The following DECR1 variants were observed in gnomAD, a reference collection of about 807,000 sequenced individuals.
The protein encoded by DECR1 is 2,4-dienoyl-CoA reductase [(3E)-enoyl-CoA-producing], mitochondrial.
In DECR1, 44 loss-of-function variants were observed where a neutral mutation model predicts 38.8. The ratio of observed to expected loss-of-function variants is 1.13; its 90% CI spans 0.89 to 1.46. The LOEUF (loss-of-function observed/expected upper bound fraction) is 1.46, where lower values mean the gene tolerates loss of function less well. Among genes scored for constraint, DECR1 ranks in the 40% most tolerant of loss-of-function variants. DECR1 has a pLI of 0.00. For missense variants in DECR1, 428 were observed against 405.5 expected, an observed-to-expected ratio of 1.06 and a Z score of -0.48; for synonymous variants, 148 against 135.2, an observed-to-expected ratio of 1.09 and a Z score of -0.66.
chr8:90,042,729 T>C lies in DECR1; in HGVS notation c.667T>C (p.Ser223Pro). Residue 223 changes from serine (S) to proline (P), a missense_variant and splice_region_variant, in exon 7 of 10, where the codon TCT (serine) becomes CCT (proline). Physicochemically the swap from Ser to Pro is moderately conservative, Grantham distance 74. Transcript: ENST00000220764. ...TATGTTGTTGATTTTAATTTTTAGG[T>C]CTCTTGCAGCTGAATGGGGTAAATA... ...AKAGVEAMSK[S>P]LAAEWGKYGM... 1 of 1,612,970 alleles carries C rather than the reference T, an allele frequency of 6.2e-7. No homozygotes were observed. The highest frequency in any genetic ancestry group is 8.5e-7 in the Non-Finnish European group (1 of 1,179,216).
At chr8:90,036,567 G>A (rs1448214901) in intron 5 of DECR1, among the ~76,000 whole-genome samples, 1 of 152,082 alleles carries the variant, frequency 6.6e-6, no homozygotes, top group East Asian at 1.9e-4. Context: ...TGCAATAGGG[G>A]CATGCCTCTG....
chr8:90,051,169 A>T (rs1466765111), intron 8 of DECR1, among the ~76,000 whole-genome samples: 1 of 149,396 alleles, frequency 6.7e-6, no homozygotes, highest in African/African-American at 2.5e-5. Flanking sequence ...AACTTCAAGT[A>T]TAATTAAAAA....
intron 8 of DECR1, among the ~76,000 whole-genome samples, chr8:90,050,795 CTG>C (rs1814061207): frequency 6.6e-6 from 1 of 152,118 alleles, no homozygotes; most frequent in African/African-American, 2.4e-5. Flanking sequence ...CAATGATAGA[CTG>C]GATTAAGAAA....
chr8:90,017,264 C>T lies in DECR1; in HGVS notation c.210C>T (p.Gly70=), dbSNP rs1813031667. 1 of 1,614,162 alleles carries T rather than the reference C, an allele frequency of 6.2e-7. No homozygotes were observed. The highest frequency in any genetic ancestry group is 8.5e-7 in the Non-Finnish European group (1 of 1,180,038). Residue 70 remains glycine, a synonymous_variant, in exon 2 of 10, where the codon GGC becomes GGT. Transcript: ENST00000220764. ...CATTCATTACTGGGGGAGGTACTGG[C>T]CTTGGTAAAGGAATGACAACTCTTC... ...KVAFITGGGT[G]LGKGMTTLLS... is the part of the protein sequence containing the mutation.
chr8:90,012,059 T>C (rs1812897013), intron 1 of DECR1, among the ~76,000 whole-genome samples: 1 of 152,190 alleles, frequency 6.6e-6, no homozygotes. Context: ...ATTTGTTTTT[T>C]GTTTGTGTGG....
chr8:90,021,091 T>C (rs756182345), intron 5 of DECR1, 35 bp downstream of exon 5: 1 of 1,529,590 alleles, frequency 6.5e-7, no homozygotes, highest in East Asian at 2.3e-5. Flanking sequence ...TTTATTTGGC[T>C]TCTGTGTGTG....
intron 1 of DECR1, among the ~76,000 whole-genome samples, chr8:90,015,174 C>A (rs1317313547): frequency 2.0e-5 from 3 of 151,698 alleles, no homozygotes; most frequent in African/African-American, 7.3e-5. Flanking sequence ...CAAAAAAAAA[C>A]AAATAATTAT....
chr8:90,016,820 A>G, intron 1 of DECR1: 1 of 325,080 alleles, frequency 3.1e-6, no homozygotes, highest in Non-Finnish European at 5.8e-6. Context: ...ATGCCATATG[A>G]AGAAATTTAT....
chr8:90,023,919 C>G (rs1813231356), intron 5 of DECR1, among the ~76,000 whole-genome samples: 1 of 152,048 alleles, frequency 6.6e-6, no homozygotes. Flanking sequence ...ACCCTGTGTC[C>G]AAGTGTTCTT....
intron 5 of DECR1, among the ~76,000 whole-genome samples, chr8:90,030,787 G>C (rs1813476119): frequency 6.6e-6 from 1 of 152,074 alleles, no homozygotes; most frequent in Admixed American, 6.6e-5. Flanking sequence ...TTTTTTTCTA[G>C]AACAGTGGGT....
chr8:90,049,006 C>T (rs1275937379), intron 8 of DECR1, among the ~76,000 whole-genome samples: 1 of 152,162 alleles, frequency 6.6e-6, no homozygotes, highest in Non-Finnish European at 1.5e-5. Context: ...ATGCTAAAAA[C>T]TCTCAGTAAA....
intron 1 of DECR1, among the ~76,000 whole-genome samples, chr8:90,004,794 A>G (rs963115713): frequency 1.3e-5 from 2 of 152,226 alleles, no homozygotes; most frequent in East Asian, 3.8e-4. Context: ...TAAACATGTA[A>G]CAAATATCTG....
intron 8 of DECR1, among the ~76,000 whole-genome samples, chr8:90,045,514 T>G (rs554997122): frequency 1.3e-4 from 20 of 152,064 alleles, no homozygotes; most frequent in African/African-American, 4.8e-4. Flanking sequence ...CTTGAGTAGG[T>G]AAACAAAGTA....
At chr8:90,039,925 G>A (rs1045704301) in intron 6 of DECR1, among the ~76,000 whole-genome samples, 1 of 152,152 alleles carries the variant, frequency 6.6e-6, no homozygotes, top group African/African-American at 2.4e-5. Context: ...AATAATAATG[G>A]CTAACATATT....
rs76361113 is a variant in DECR1 at position 90,052,105 on chromosome 8, A to G, written c.*208A>G. On this transcript the variant is annotated 3_prime_UTR_variant, in exon 10 of 10. Transcript: ENST00000220764. Reference sequence around the variant, plus strand: ...CCTTCAAAACATTAAAAAAAAAAAAAGGAGGCATGGGGAGAGTAGGTAAAG... The same window carrying G: ...CCTTCAAAACATTAAAAAAAAAAAAGGGAGGCATGGGGAGAGTAGGTAAAG... 9 of 501,642 alleles carry G rather than the reference A, an allele frequency of 1.8e-5. No homozygotes were observed. Among genetic ancestry groups the G allele is most frequent in the Non-Finnish European group, 3.1e-5 (9 of 288,292 alleles). The allele number at this position is 501,642 out of a possible 1,614,324, so 31.1% of individuals were successfully genotyped here. A position where few individuals can be genotyped will look rare whatever the true frequency, so the allele number is the denominator to read the frequency against.
At chr8:90,051,559 G>T (rs7816839) in intron 8 of DECR1, 118 bp from the exon 9 acceptor site, 202,819 of 682,560 alleles carry the variant, frequency 0.3, 31,329 homozygotes, top group East Asian at 0.41. Context: ...TTTAAAATTT[G>T]GGCTTGATTT....
At chr8:90,026,599 T>C (rs1813347985) in intron 5 of DECR1, among the ~76,000 whole-genome samples, 1 of 152,196 alleles carries the variant, frequency 6.6e-6, no homozygotes, top group Non-Finnish European at 1.5e-5. Context: ...TTGCATCTAT[T>C]TGATTCTTCT....
intron 1 of DECR1, among the ~76,000 whole-genome samples, chr8:90,016,456 G>A (rs552690318): frequency 6.6e-6 from 1 of 152,206 alleles, no homozygotes; most frequent in East Asian, 1.9e-4. Context: ...CCAACATGGT[G>A]AAACCCTGTC....
intron 1 of DECR1, among the ~76,000 whole-genome samples, chr8:90,007,254 C>G (rs557406961): frequency 1.2e-4 from 19 of 152,146 alleles, no homozygotes; most frequent in Non-Finnish European, 2.4e-4. Flanking sequence ...GGAGCTAGGT[C>G]GTGAAGACAT....
Sources: gnomAD v4.1 joint callset for allele counts (sites outside exome capture counted in the v4.1 genomes callset) on GRCh38, gnomAD v4.1.1 for gene constraint, MANE v1.5 for transcripts, NCBI Gene and HGNC (gene_info 2026-07-23, HGNC 2026-07-21) for gene names.